NCK1: variants seen among roughly 807,000 people sequenced by gnomAD.
NCK1 encodes the protein SH2/SH3 adapter protein NCK1.
Under a neutral mutation model 36.6 loss-of-function variants are expected in NCK1, and 19 were observed. The ratio of observed to expected loss-of-function variants is 0.52; its 90% confidence interval spans 0.36 to 0.76. The LOEUF is 0.76. Among genes scored for constraint, NCK1 ranks in the 30% least tolerant of loss-of-function variants. NCK1 has a pLI of 0.00. For missense variants in NCK1, 358 were observed against 445.6 expected, an observed-to-expected ratio of 0.80 and a Z score of 1.77; for synonymous variants, 165 against 156.0, an observed-to-expected ratio of 1.06 and a Z score of -0.43.
intron 1 of NCK1, among the ~76,000 whole-genome samples, chr3:136,919,215 ATTTTT>A (rs111695432): frequency 6.7e-6 from 1 of 149,046 alleles, no homozygotes. Flanking sequence ...GCATAAAGCA[ATTTTT>A]TTTTTTCTTG....
chr3:136,894,405 C>A (rs751905277), intron 1 of NCK1, among the ~76,000 whole-genome samples: 27 of 152,144 alleles, frequency 1.8e-4, no homozygotes, highest in Non-Finnish European at 4.0e-4. Flanking sequence ...TATGCTGCAT[C>A]CCAAATGACC....
intron 1 of NCK1, among the ~76,000 whole-genome samples, chr3:136,914,908 T>G (rs1222303466): frequency 6.6e-6 from 1 of 152,194 alleles, no homozygotes; most frequent in Non-Finnish European, 1.5e-5. Flanking sequence ...CTCACTATAT[T>G]AGTTCCTGTG....
chr3:136,888,213 G>A (rs1451797168), intron 1 of NCK1, among the ~76,000 whole-genome samples: 1 of 152,080 alleles, frequency 6.6e-6, no homozygotes, highest in African/African-American at 2.4e-5. Flanking sequence ...AAAGTGCTGA[G>A]ATTACAGGTG....
intron 2 of NCK1, among the ~76,000 whole-genome samples, chr3:136,942,631 T>C (rs1243880947): frequency 6.6e-6 from 1 of 152,218 alleles, no homozygotes; most frequent in African/African-American, 2.4e-5. Context: ...TCAGCCAGGG[T>C]GAAAGCTTAG....
In NCK1 at chr3:136,949,176, T is replaced by A. The variant is rs1560058667; in HGVS notation, c.*723T>A. ...CAAGAAAACAAAACAGTCTCTGAGA[T>A]ATTTAGCTTTTCAAACTGTAAATAG... On this transcript the variant is annotated 3_prime_UTR_variant, in exon 4 of 4. Transcript: ENST00000481752. The A allele has an allele frequency of 6.6e-6, 1 of 152,086 alleles. No homozygotes were observed. Among genetic ancestry groups the A allele is most frequent in the Non-Finnish European group, 1.5e-5 (1 of 67,890 alleles). 9.4% of individuals were successfully genotyped at this position (152,086 alleles called of 1,614,324 possible). A position where few individuals can be genotyped will look rare whatever the true frequency, so the allele number is the denominator to read the frequency against.
chr3:136,942,994 A>G (rs1344847403), intron 2 of NCK1, among the ~76,000 whole-genome samples: 1 of 152,192 alleles, frequency 6.6e-6, no homozygotes, highest in Non-Finnish European at 1.5e-5. Context: ...TTCCTCTGGC[A>G]TTAGGAGTGC....
At chr3:136,893,067 A>G (rs879937369) in intron 1 of NCK1, among the ~76,000 whole-genome samples, 7 of 147,938 alleles carry the variant, frequency 4.7e-5, no homozygotes, top group Admixed American at 2.0e-4. Flanking sequence ...TACTTCAGTT[A>G]GAATAATGGT....
In NCK1 at chr3:136,946,077, C is replaced by G; in HGVS notation, c.721C>G (p.Leu241Val). 1.2e-6 allele frequency: 2 copies of G among 1,613,844 alleles called. No homozygotes were observed. The highest frequency in any genetic ancestry group is 1.7e-6 in the Non-Finnish European group (2 of 1,179,950). The change falls in exon 3 of 4, where the codon CTA becomes GTA. Residue 241 changes from leucine (L) to valine (V), a missense_variant. Physicochemically the swap from Leu to Val is conservative, Grantham distance 32. This residue lies in a region of NCK1 where 207 missense variants were observed against 253.4 expected (regional missense o/e 0.82). Transcript: ENST00000481752. Reference sequence around the variant, plus strand: ...CAGGAAGATCAATGGTATGGTTGGTCTAGTACCAAAAAACTATGTTACCGT... The same window carrying G: ...CAGGAAGATCAATGGTATGGTTGGTGTAGTACCAAAAAACTATGTTACCGT... ...KCRKINGMVG[L>V]VPKNYVTVMQ...
intron 1 of NCK1, among the ~76,000 whole-genome samples, chr3:136,879,161 A>G (rs1938860780): frequency 1.3e-5 from 2 of 151,898 alleles, no homozygotes; most frequent in South Asian, 4.1e-4. Flanking sequence ...AACAGTCAAT[A>G]GAAAAGTTGA....
At chr3:136,895,469 T>G (rs1417051774) in intron 1 of NCK1, among the ~76,000 whole-genome samples, 1 of 152,140 alleles carries the variant, frequency 6.6e-6, no homozygotes, top group Non-Finnish European at 1.5e-5. Context: ...AAAAAAGGTT[T>G]GTCAGAATTT....
At chr3:136,939,219 T>G (rs2108143439) in intron 2 of NCK1, among the ~76,000 whole-genome samples, 1 of 152,314 alleles carries the variant, frequency 6.6e-6, no homozygotes, top group East Asian at 1.9e-4. Context: ...TGTGTGTTTC[T>G]TGGAATTGAT....
At chr3:136,916,517 G>C (rs973337307) in intron 1 of NCK1, among the ~76,000 whole-genome samples, 3 of 152,078 alleles carry the variant, frequency 2.0e-5, no homozygotes, top group African/African-American at 7.2e-5. Context: ...GAACCTTCAA[G>C]TAAGCATATT....
chr3:136,879,133 A>AC lies in NCK1; in HGVS notation c.-19+16780_-19+16781insC, dbSNP rs200163744. On this transcript the variant is annotated intron_variant, in intron 1 of 3. Coordinates refer to ENST00000481752, the MANE Select transcript of NCK1 (RefSeq NM_001291999.2). ...CAAACTGGGAACAATCAGAACAACAAAAAAAAAGGCTCAGTAGAACAGTCA... is the reference window on the plus strand; with the variant it reads ...CAAACTGGGAACAATCAGAACAACAACAAAAAAAGGCTCAGTAGAACAGTCA... 2.5e-3 allele frequency among the ~76,000 whole-genome samples: 374 copies of AC among 151,516 alleles called. 3 individuals carry two copies. The highest frequency in any genetic ancestry group is 6.0e-3 in the African/African-American group (248 of 41,260).
chr3:136,882,547 CTGTGTGTG>C (rs35463509), intron 1 of NCK1, among the ~76,000 whole-genome samples: 97 of 143,492 alleles, frequency 6.8e-4, no homozygotes, highest in Admixed American at 1.4e-3. Context: ...TCCCACATCA[CTGTGTGTG>C]TGTGTGTGTG....
intron 1 of NCK1, among the ~76,000 whole-genome samples, chr3:136,912,214 G>A (rs1368627234): frequency 1.4e-5 from 2 of 145,804 alleles, no homozygotes; most frequent in African/African-American, 5.2e-5. Context: ...CCAGGCTGGA[G>A]TGCAGTGGTG....
intron 1 of NCK1, among the ~76,000 whole-genome samples, chr3:136,904,609 T>A (rs1939634093): frequency 6.6e-6 from 1 of 152,212 alleles, no homozygotes; most frequent in Non-Finnish European, 1.5e-5. Flanking sequence ...TTTGACAGTT[T>A]GAAGATAATG....
intron 1 of NCK1, among the ~76,000 whole-genome samples, chr3:136,883,454 AT>A (rs964648281): frequency 1.9e-4 from 28 of 151,256 alleles, no homozygotes; most frequent in African/African-American, 6.8e-4. Flanking sequence ...GCCCACTTAA[AT>A]TTTTTTTTCT....
chr3:136,946,295 G>A lies in NCK1; in HGVS notation c.939G>A (p.Ser313=). The change falls in exon 3 of 4, where the codon TCG becomes TCA. Residue 313 remains serine, a splice_region_variant and synonymous_variant. Transcript: ENST00000481752. ...GDFLIRDSES[S]PNDFSVSLKA... ...TCCTCATTCGTGATAGTGAATCTTC[G>A]GTAAGTTGATTTTCGGAGGTAAATA... The A allele has an allele frequency of 3.7e-6, 6 of 1,601,642 alleles. No homozygotes were observed. Among genetic ancestry groups the A allele is most frequent in the Non-Finnish European group, 1.7e-6 (2 of 1,172,214 alleles).
chr3:136,890,902 A>T (rs1028326477), intron 1 of NCK1, among the ~76,000 whole-genome samples: 2 of 152,144 alleles, frequency 1.3e-5, no homozygotes, highest in African/African-American at 4.8e-5. Flanking sequence ...CCATCCCCCC[A>T]ACCTCTGGCA....
Sources: gnomAD v4.1 joint callset for allele counts (sites outside exome capture counted in the v4.1 genomes callset) on GRCh38, gnomAD v4.1.1 for gene constraint, gnomAD v4.1.1 regional missense constraint, MANE v1.5 for transcripts, NCBI Gene and HGNC (gene_info 2026-07-23, HGNC 2026-07-21) for gene names.